Variants in MYO18B observed in about 807,000 individuals in gnomAD.
MYO18B encodes the protein myosin XVIIIB, also known as unconventional myosin-XVIIIb.
In MYO18B, 204 loss-of-function variants were observed where a neutral mutation model predicts 273.0. The ratio of observed to expected loss-of-function variants is 0.75; its 90% CI spans 0.67 to 0.84. The LOEUF (loss-of-function observed/expected upper bound fraction) is 0.84. Among genes scored for constraint, MYO18B ranks in the 40% least tolerant of loss-of-function variants. The pLI, the probability that MYO18B is intolerant of heterozygous loss-of-function variation, is 0.00. For synonymous variants in MYO18B, 1,330 were observed against 1,305.7 expected (o/e 1.02, Z -0.40); for missense variants, 3,212 against 3,287.6 (o/e 0.98, Z 0.56).
intron 1 of MYO18B, among the ~76,000 whole-genome samples, chr22:25,745,345 A>G (rs570221595): frequency 5.9e-5 from 9 of 152,240 alleles, no homozygotes; most frequent in African/African-American, 1.9e-4. Flanking sequence ...TGGGAGCTCA[A>G]GTGATCCACC....
chr22:25,965,557 C>T (rs1443303185), intron 39 of MYO18B, among the ~76,000 whole-genome samples: 1 of 152,160 alleles, frequency 6.6e-6, no homozygotes, highest in Non-Finnish European at 1.5e-5. Context: ...CTGATTTCAA[C>T]CTAACTACAT....
chr22:25,748,239 C>T lies in MYO18B; in HGVS notation c.-110+5946C>T, dbSNP rs139903066. ...GGAACTGAGGCCACTGTGTGACTGTCCTGGGGAGGTAGCTCTCTGAGAAGG... is the reference window on the plus strand; with the variant it reads ...GGAACTGAGGCCACTGTGTGACTGTTCTGGGGAGGTAGCTCTCTGAGAAGG... On this transcript the variant is annotated intron_variant, in intron 1 of 43. Coordinates refer to ENST00000335473, the MANE Select transcript of MYO18B (RefSeq NM_032608.7). Among the ~76,000 whole-genome samples the T allele has an allele frequency of 5.9e-5, 9 of 152,242 alleles. No individual in the cohort carries two copies. In the East Asian group the frequency reaches 1.7e-3, roughly 29 times the overall value.
chr22:26,026,674 A>G lies in MYO18B; in HGVS notation c.6700A>G (p.Asn2234Asp), dbSNP rs1402543691. The G allele has an allele frequency of 1.2e-6, 2 of 1,613,738 alleles. No homozygotes were observed. Among genetic ancestry groups the G allele is most frequent in the South Asian group, 1.1e-5 (1 of 91,054 alleles). ...CTCTCCCCTGGCTTCTCGGAGTACA[A>G]ATACATCCCCGCTGTCGAGGGAAAA... is the stretch of plus-strand genomic sequence containing the variant. ...ASSPLASRST[N>D]TSPLSREKLP... The change falls in exon 43 of 44, where the codon AAT becomes GAT. Residue 2234 changes from asparagine (N) to aspartate (D), a missense_variant. Asn to Asp is a conservative substitution (Grantham distance 23). Transcript: ENST00000335473.
Position 25,898,423 on chromosome 22 carries a change from A to G in MYO18B, c.4785A>G (p.Gln1595=). 6.2e-7 allele frequency: 1 copy of G among 1,613,912 alleles called. No individual in the cohort carries two copies. Among genetic ancestry groups the G allele is most frequent in the Non-Finnish European group, 8.5e-7 (1 of 1,179,850 alleles). ...ATACCTGCGTCCTGCTAGAGAACCAACAAAGTCGAAACCATGAGCTGGAGA... is the reference window on the plus strand; with the variant it reads ...ATACCTGCGTCCTGCTAGAGAACCAGCAAAGTCGAAACCATGAGCTGGAGA... ...LEDTCVLLEN[Q]QSRNHELEKK... Residue 1595 remains glutamine, a synonymous_variant, in exon 29 of 44, where the codon CAA becomes CAG. Transcript: ENST00000335473.
the MYO18B span, among the ~76,000 whole-genome samples, chr22:26,050,956 G>GGTAAACC: frequency 2.0e-5 from 3 of 152,256 alleles, no homozygotes; most frequent in East Asian, 5.8e-4. Flanking sequence ...AAGTATTGAA[G>GGTAAACC]GTAAACCTGA....
At chr22:25,984,422 C>T (rs567101848) in intron 39 of MYO18B, among the ~76,000 whole-genome samples, 107 of 152,252 alleles carry the variant, frequency 7.0e-4, no homozygotes, top group African/African-American at 2.4e-3. Flanking sequence ...AATAAACCTG[C>T]GAACCAACTA....
chr22:25,760,434 A>AAAAAAAAAAAAAAC (rs59165419), intron 1 of MYO18B, among the ~76,000 whole-genome samples: 3 of 111,528 alleles, frequency 2.7e-5, no homozygotes, highest in African/African-American at 3.5e-5. Flanking sequence ...AAAAAAAAAA[A>AAAAAAAAAAAAAAC]CACAAAAACA....
At chr22:25,881,661 A>G (rs2091339475) in intron 25 of MYO18B, among the ~76,000 whole-genome samples, 1 of 152,192 alleles carries the variant, frequency 6.6e-6, no homozygotes, top group Non-Finnish European at 1.5e-5. Context: ...CCAGAGCTGC[A>G]GTTTACAGGA....
At chr22:25,852,725 T>C (rs929178634) in intron 21 of MYO18B, among the ~76,000 whole-genome samples, 1 of 152,234 alleles carries the variant, frequency 6.6e-6, no homozygotes, top group Non-Finnish European at 1.5e-5. Context: ...GTTTGCTCCT[T>C]GGACTCAAGT....
chr22:25,869,721 A>T (rs541562901), intron 22 of MYO18B, among the ~76,000 whole-genome samples: 15 of 152,212 alleles, frequency 9.9e-5, no homozygotes, highest in Non-Finnish European at 1.5e-4. Context: ...TCCCTATCAT[A>T]TGCATCCGTG....
intron 41 of MYO18B, 54 bp from the exon 42 acceptor site, chr22:26,004,664 T>C: frequency 6.2e-7 from 1 of 1,600,184 alleles, no homozygotes; most frequent in Non-Finnish European, 8.5e-7. Flanking sequence ...TATCTAATTA[T>C]TGCTGTTACT....
chr22:25,852,394 T>TGAA (rs2090450743), intron 21 of MYO18B, among the ~76,000 whole-genome samples: 2 of 109,486 alleles, frequency 1.8e-5, no homozygotes, highest in African/African-American at 3.2e-5. Context: ...TTTTGTTGAG[T>TGAA]TAATGAATGA....
chr22:25,997,978 C>CACGAGA (rs34431605), intron 40 of MYO18B, among the ~76,000 whole-genome samples: 27 of 144,640 alleles, frequency 1.9e-4, no homozygotes, highest in African/African-American at 7.1e-4. Context: ...CACACACACA[C>CACGAGA]GAGAGAGAGA....
intron 39 of MYO18B, among the ~76,000 whole-genome samples, chr22:25,973,634 G>A (rs903793225): frequency 2.0e-5 from 3 of 152,156 alleles, no homozygotes; most frequent in Non-Finnish European, 4.4e-5. Context: ...TCAGATCCTC[G>A]GTCACACCAG....
rs200405822 is a variant in MYO18B at position 25,755,895 on chromosome 22, TTTTC to T, written c.-109-5077_-109-5074del. ...GCAGAGCTGTGAGCCAGTTGAACTT[TTTTC>T]TTTCTTTCTTTTTTTTTTCTTTCCC... is the stretch of plus-strand genomic sequence containing the variant. On this transcript the variant is annotated intron_variant, in intron 1 of 43. Transcript: ENST00000335473. Among the ~76,000 whole-genome samples the T allele has an allele frequency of 8.7e-3, 1,320 of 152,010 alleles. 15 individuals are homozygous for T. Among genetic ancestry groups the T allele is most frequent in the African/African-American group, 0.029 (1,200 of 41,450 alleles).
At chr22:25,836,513 C>A (rs953971033) in intron 17 of MYO18B, among the ~76,000 whole-genome samples, 2 of 152,096 alleles carry the variant, frequency 1.3e-5, no homozygotes, top group Admixed American at 1.3e-4. Context: ...AGGATTCTGT[C>A]CCACACTTGG....
intron 12 of MYO18B, among the ~76,000 whole-genome samples, chr22:25,804,199 C>T (rs1336866239): frequency 6.6e-6 from 1 of 152,132 alleles, no homozygotes; most frequent in African/African-American, 2.4e-5. Flanking sequence ...GATTTTTAAC[C>T]TTATACAGTC....
In MYO18B at chr22:25,791,299, G is replaced by A. The variant is rs896470093; in HGVS notation, c.2376+5808G>A. ...GAATGAATTAGACAGGTGCAGGGAGGCCAGTGTTCTGGCTACACTGAGCAC... is the reference window on the plus strand; with the variant it reads ...GAATGAATTAGACAGGTGCAGGGAGACCAGTGTTCTGGCTACACTGAGCAC... On this transcript the variant is annotated intron_variant, in intron 11 of 43. Coordinates refer to ENST00000335473, the MANE Select transcript of MYO18B (RefSeq NM_032608.7). Among the ~76,000 whole-genome samples, 5 of 152,218 alleles carry A rather than the reference G, an allele frequency of 3.3e-5. No homozygotes were observed. In the South Asian group the frequency reaches 1.0e-3, roughly 31 times the overall value.
chr22:25,856,511 C>G (rs947648334), intron 21 of MYO18B, among the ~76,000 whole-genome samples: 2 of 152,184 alleles, frequency 1.3e-5, no homozygotes, highest in African/African-American at 4.8e-5. Flanking sequence ...TTTGGGACAC[C>G]CCAGGAGATG....
Sources: gnomAD v4.1 joint callset for allele counts (sites outside exome capture counted in the v4.1 genomes callset) on GRCh38, gnomAD v4.1.1 for gene constraint, MANE v1.5 for transcripts, NCBI Gene and HGNC (gene_info 2026-07-23, HGNC 2026-07-21) for gene names.